The following NUP205 variants were observed in gnomAD, a reference collection of about 807,000 sequenced individuals.
NUP205 encodes nucleoporin 205.
Under a neutral mutation model 253.8 loss-of-function variants are expected in NUP205, and 76 were observed. That is an observed-to-expected ratio of 0.30 (90% CI 0.25 to 0.36). NUP205 has a LOEUF of 0.36. Ranked by LOEUF, NUP205 falls within the 10% of genes least tolerant of loss-of-function variation. The pLI is 1.00. For synonymous variants in NUP205, 832 were observed against 850.1 expected, an observed-to-expected ratio of 0.98 and a Z score of 0.37; for missense variants, 2,162 against 2,425.5, an observed-to-expected ratio of 0.89 and a Z score of 2.28.
At chr7:135,615,815 CTT>C (rs1794344069) in intron 23 of NUP205, 99 bp from the exon 24 acceptor site, 3 of 648,986 alleles carry the variant, frequency 4.6e-6, no homozygotes, top group Admixed American at 7.1e-5. Flanking sequence ...AAATTATTGA[CTT>C]TGTTACATGG....
chr7:135,564,246 T>C (rs1004334455), intron 1 of NUP205, among the ~76,000 whole-genome samples: 2 of 61,928 alleles, frequency 3.2e-5, no homozygotes, highest in Non-Finnish European at 7.6e-5. Flanking sequence ...TGCCCAGCTA[T>C]TTTTTTTTTT....
Position 135,580,585 on chromosome 7 carries a change from C to T in NUP205, c.1042+1670C>T, listed in dbSNP as rs367708978. On this transcript the variant is annotated intron_variant, in intron 7 of 42. Transcript: ENST00000285968. ...GGTTCAAGCAATTCTGCCTCAGCCT[C>T]CGGAGTACCTGGGACTATAGTCGCA... Among the ~76,000 whole-genome samples, 21 of 152,172 alleles carry T rather than the reference C, an allele frequency of 1.4e-4. No individual in the cohort carries two copies. In the East Asian group the frequency reaches 3.9e-3, roughly 28 times the overall value.
At chr7:135,592,516 G>A (rs1384093402) in intron 11 of NUP205, among the ~76,000 whole-genome samples, 1 of 152,222 alleles carries the variant, frequency 6.6e-6, no homozygotes, top group African/African-American at 2.4e-5. Context: ...AGCTCACAGA[G>A]GGATTCTAAC....
chr7:135,639,682 C>CT (rs1426597367), intron 38 of NUP205, among the ~76,000 whole-genome samples: 1 of 143,634 alleles, frequency 7.0e-6, no homozygotes, highest in African/African-American at 2.6e-5. Flanking sequence ...CAGAGTGAGA[C>CT]TTTGTCTCAA....
At chr7:135,597,797 G>A (rs1793877424) in intron 14 of NUP205, 1 of 537,468 alleles carries the variant, frequency 1.9e-6, no homozygotes, top group Non-Finnish European at 3.3e-6. Flanking sequence ...GGGACAGTAA[G>A]TGGGAATTTG....
At chr7:135,570,515 A>G (rs1229842512) in intron 1 of NUP205, among the ~76,000 whole-genome samples, 1 of 151,358 alleles carries the variant, frequency 6.6e-6, no homozygotes, top group African/African-American at 2.4e-5. Context: ...GTGCCTACCT[A>G]AAGTCAGGAT....
intron 30 of NUP205, among the ~76,000 whole-genome samples, chr7:135,621,127 C>T (rs958433641): frequency 5.9e-5 from 9 of 152,160 alleles, no homozygotes; most frequent in South Asian, 4.1e-4. Context: ...CCACTGTGTA[C>T]GTAAGGTTGA....
At position 135,616,056 on chromosome 7, in the gene NUP205, C is replaced by T; in HGVS notation, c.3451C>T (p.Pro1151Ser). The change falls in exon 24 of 43, where the codon CCA becomes TCA. Residue 1151 changes from proline (P) to serine (S), a missense_variant. Around this residue, in one of 5 missense-constraint regions of NUP205, gnomAD observed 1,144 missense variants for 1,280.9 expected, o/e 0.89. Transcript: ENST00000285968. Reference sequence around the variant, plus strand: ...CTTACTGGATGACATGCCAGTGAAACCATACTCAGGTGAGTATTAGTATTT... The same window carrying T: ...CTTACTGGATGACATGCCAGTGAAATCATACTCAGGTGAGTATTAGTATTT... ...HLLLDDMPVK[P>S]YSDGEGGIED... The T allele has an allele frequency of 1.5e-5, 24 of 1,613,226 alleles. No homozygotes were observed. The highest frequency in any genetic ancestry group is 2.0e-5 in the Non-Finnish European group (24 of 1,179,506).
At chr7:135,589,866 T>C (rs1389720902) in intron 10 of NUP205, among the ~76,000 whole-genome samples, 1 of 151,104 alleles carries the variant, frequency 6.6e-6, no homozygotes, top group East Asian at 1.9e-4. Flanking sequence ...TGCAGTGAGC[T>C]GTGATTGTGC....
At position 135,594,559 on chromosome 7, in the gene NUP205, C is replaced by T. The variant is rs979685257; in HGVS notation, c.1843C>T (p.Arg615Cys). The T allele has an allele frequency of 9.4e-6, 15 of 1,592,608 alleles. No homozygotes were observed. The highest frequency in any genetic ancestry group is 1.7e-4 in the Middle Eastern group (1 of 5,946). ...STIITWSENARLALCEHPQWT... is the reference protein window; with the variant it reads ...STIITWSENACLALCEHPQWT... ...TGTCAATTCTTAGAGTGAAAATGCT[C>T]GCTTGGCACTCTGTGAACACCCTCA... Residue 615 changes from arginine to cysteine, a missense_variant, in exon 13 of 43, where the codon CGC becomes TGC. Physicochemically the swap from Arg to Cys is radical, Grantham distance 180. Around this residue, in one of 5 missense-constraint regions of NUP205, gnomAD observed 892 missense variants for 957.1 expected, o/e 0.93. Coordinates refer to ENST00000285968, the MANE Select transcript of NUP205 (RefSeq NM_015135.3).
intron 1 of NUP205, among the ~76,000 whole-genome samples, chr7:135,567,126 G>GTATATGTA (rs1563107967): frequency 3.7e-4 from 2 of 5,364 alleles, no homozygotes; most frequent in African/African-American, 7.4e-4. Flanking sequence ...CAGTCTATGT[G>GTATATGTA]TGTATATATA....
At position 135,612,676 on chromosome 7, in the gene NUP205, C is replaced by T. The variant is rs143594515; in HGVS notation, c.3196-1483C>T. On this transcript the variant is annotated intron_variant, in intron 22 of 42. Coordinates refer to ENST00000285968, the MANE Select transcript of NUP205 (RefSeq NM_015135.3). ...TGACTGCAGTTTGTAGCTGTTCTCC[C>T]GCGCATGAAGGACCATGGAAGCACT... is the stretch of plus-strand genomic sequence containing the variant. Among the ~76,000 whole-genome samples the T allele has an allele frequency of 2.4e-3, 363 of 152,254 alleles. 1 individual carries two copies. The highest frequency in any genetic ancestry group is 8.3e-3 in the African/African-American group (343 of 41,548).
In NUP205 at chr7:135,643,340, C is replaced by T. The variant is rs370401064; in HGVS notation, c.5541C>T (p.Pro1847=). The T allele has an allele frequency of 1.2e-6, 2 of 1,613,716 alleles. No homozygotes were observed. Among genetic ancestry groups the T allele is most frequent in the African/African-American group, 2.7e-5 (2 of 74,876 alleles). Residue 1847 remains proline (P), a synonymous_variant, in exon 39 of 43, where the codon CCC becomes CCT. Coordinates refer to ENST00000285968, the MANE Select transcript of NUP205 (RefSeq NM_015135.3). ...AGCTACAAAATGTAGAGCAGCTTCC[C>T]CCAGATGAGATAAAAGAGGTACGAA... ...VSKLQNVEQL[P]PDEIKELCQS... is the part of the protein sequence containing the mutation.
At chr7:135,645,669 T>G in intron 41 of NUP205, 73 bp downstream of exon 41, 1 of 1,453,886 alleles carries the variant, frequency 6.9e-7, no homozygotes, top group South Asian at 1.3e-5. Context: ...CCAGTTTTTT[T>G]TTATTTTTGT....
At chr7:135,619,362 A>C in intron 28 of NUP205, 61 bp from the exon 29 acceptor site, 1 of 1,537,182 alleles carries the variant, frequency 6.5e-7, no homozygotes, top group South Asian at 1.2e-5. Context: ...AAGCTATGAA[A>C]TTTGTTAATG....
chr7:135,648,368 A>G (rs1795053520), intron 42 of NUP205, 36 bp from the exon 43 acceptor site: 1 of 1,495,470 alleles, frequency 6.7e-7, no homozygotes, highest in Non-Finnish European at 8.9e-7. Context: ...ATTTGAGACA[A>G]CAATTTTAAC....
At chr7:135,609,171 C>T (rs1457096579) in intron 22 of NUP205, among the ~76,000 whole-genome samples, 1 of 149,842 alleles carries the variant, frequency 6.7e-6, no homozygotes, top group African/African-American at 2.5e-5. Context: ...TTAAGTGTTA[C>T]CCTAAATTTA....
intron 10 of NUP205, among the ~76,000 whole-genome samples, chr7:135,590,533 C>T (rs1381760346): frequency 6.6e-6 from 1 of 150,504 alleles, no homozygotes; most frequent in Non-Finnish European, 1.5e-5. Flanking sequence ...GCTACATCAT[C>T]ATAAAACCTT....
In NUP205 at chr7:135,618,497, G is replaced by A; in HGVS notation, c.3857G>A (p.Trp1286Ter). ...GCAAAACGTCATGCTCTGGAGTCGT[G>A]GAGGCAACTAGTAGAAATTATACTG... ...LHAKRHALESWRQLVEIILTA... is the reference protein window; with the variant it reads ...LHAKRHALES Residue 1286 changes from tryptophan (W) to a stop codon, truncating the protein, a stop_gained, in exon 28 of 43, where the codon TGG becomes TAG. Transcript: ENST00000285968. LOFTEE classifies it high-confidence loss of function. 6.2e-7 allele frequency: 1 copy of A among 1,614,092 alleles called. No homozygotes were observed. The highest frequency in any genetic ancestry group is 1.7e-5 in the Admixed American group (1 of 60,010).
Sources: gnomAD v4.1 joint callset for allele counts (sites outside exome capture counted in the v4.1 genomes callset) on GRCh38, gnomAD v4.1.1 for gene constraint, gnomAD v4.1.1 regional missense constraint, MANE v1.5 for transcripts, NCBI Gene and HGNC (gene_info 2026-07-23, HGNC 2026-07-21) for gene names.